Variants in LEMD3 observed in about 807,000 individuals in gnomAD.
The protein encoded by LEMD3 is LEM domain containing 3.
In LEMD3, 33 loss-of-function variants were observed where a neutral mutation model predicts 95.2. That is an observed-to-expected ratio of 0.35 (90% CI 0.26 to 0.46). The LOEUF is 0.46. Among genes scored for constraint, LEMD3 ranks in the 20% least tolerant of loss-of-function variants. The pLI, the probability that LEMD3 is intolerant of heterozygous loss-of-function variation, is 1.00. For missense variants in LEMD3, 1,210 were observed against 1,192.8 expected, an observed-to-expected ratio of 1.01 and a Z score of -0.21; for synonymous variants, 525 against 474.6, an observed-to-expected ratio of 1.11 and a Z score of -1.38.
chr12:65,245,438 C>T (rs1480677431), intron 10 of LEMD3: 1 of 493,352 alleles, frequency 2.0e-6, no homozygotes, highest in Non-Finnish European at 3.6e-6. Context: ...CGCGCCTGGC[C>T]AGCGCTCTGC....
intron 1 of LEMD3, among the ~76,000 whole-genome samples, chr12:65,200,854 T>G (rs1415784361): frequency 6.6e-6 from 1 of 152,180 alleles, no homozygotes; most frequent in Non-Finnish European, 1.5e-5. Flanking sequence ...ATGTGTTTGC[T>G]GTTGTATCTA....
chr12:65,205,943 G>T (rs911151967), intron 1 of LEMD3, among the ~76,000 whole-genome samples: 14 of 152,104 alleles, frequency 9.2e-5, no homozygotes, highest in Non-Finnish European at 1.9e-4. Context: ...CATCTAGAAT[G>T]ACCATCTATT....
chr12:65,201,153 T>A (rs1235444021), intron 1 of LEMD3, among the ~76,000 whole-genome samples: 2 of 152,206 alleles, frequency 1.3e-5, no homozygotes, highest in Non-Finnish European at 2.9e-5. Context: ...GTTTCACTGA[T>A]CTTTTTGTCT....
intron 1 of LEMD3, among the ~76,000 whole-genome samples, chr12:65,183,001 A>G (rs1215156116): frequency 6.6e-6 from 1 of 152,196 alleles, no homozygotes; most frequent in East Asian, 1.9e-4. Flanking sequence ...GAAGGTATTT[A>G]AAGTACATTA....
chr12:65,239,194 T>C (rs1284739512), intron 6 of LEMD3, among the ~76,000 whole-genome samples: 1 of 152,212 alleles, frequency 6.6e-6, no homozygotes, highest in Admixed American at 6.5e-5. Flanking sequence ...AAAATTTTTA[T>C]CATTTTTTAA....
chr12:65,191,077 G>C (rs1869224986), intron 1 of LEMD3, among the ~76,000 whole-genome samples: 1 of 151,950 alleles, frequency 6.6e-6, no homozygotes, highest in African/African-American at 2.4e-5. Flanking sequence ...TCTGCTTGAT[G>C]TCAGTTTAAC....
intron 2 of LEMD3, among the ~76,000 whole-genome samples, chr12:65,212,067 G>T (rs961347168): frequency 6.6e-6 from 1 of 152,100 alleles, no homozygotes; most frequent in Non-Finnish European, 1.5e-5. Context: ...GGCTGGGGAG[G>T]CCTCACAGTC....
At chr12:65,196,414 ACTGTGGCCC>A (rs1345272910) in intron 1 of LEMD3, among the ~76,000 whole-genome samples, 1 of 151,890 alleles carries the variant, frequency 6.6e-6, no homozygotes, top group East Asian at 1.9e-4. Flanking sequence ...AAATTTTATC[ACTGTGGCCC>A]CTGTAACTCT....
intron 1 of LEMD3, among the ~76,000 whole-genome samples, chr12:65,209,838 G>C (rs1869885124): frequency 6.6e-6 from 1 of 151,928 alleles, no homozygotes; most frequent in African/African-American, 2.4e-5. Flanking sequence ...GTTCCTATGG[G>C]ACTTCCTGTT....
intron 10 of LEMD3, among the ~76,000 whole-genome samples, chr12:65,244,914 G>A (rs533607919): frequency 3.3e-5 from 5 of 152,090 alleles, no homozygotes; most frequent in Admixed American, 3.3e-4. Flanking sequence ...TCACGCCACT[G>A]CACTCCAGCC....
chr12:65,225,933 A>G (rs762689166), intron 4 of LEMD3, among the ~76,000 whole-genome samples: 114 of 152,210 alleles, frequency 7.5e-4, no homozygotes, highest in Non-Finnish European at 1.2e-3. Context: ...ACTGAGTCCT[A>G]TCCGCATTTT....
At position 65,170,634 on chromosome 12, in the gene LEMD3, T is replaced by C. The variant is rs1331642378; in HGVS notation, c.1038T>C (p.Cys346=). ...EAAAAEQGGG[C]DQVDSSPVPR... is the part of the protein sequence containing the mutation. ...CGGCCGCGGAGCAGGGAGGAGGGTG[T>C]GATCAAGTGGACTCCAGCCCCGTTC... Residue 346 remains cysteine (C), a synonymous_variant, in exon 1 of 13, where the codon TGT becomes TGC. Transcript: ENST00000308330. The C allele has an allele frequency of 1.2e-6, 2 of 1,613,980 alleles. No homozygotes were observed. Among genetic ancestry groups the C allele is most frequent in the Admixed American group, 1.7e-5 (1 of 60,020 alleles).
chr12:65,210,018 G>A (rs751508850), intron 1 of LEMD3, among the ~76,000 whole-genome samples: 5 of 151,854 alleles, frequency 3.3e-5, no homozygotes, highest in African/African-American at 7.3e-5. Flanking sequence ...GAATATTTTC[G>A]TATGTAATAT....
At chr12:65,220,669 CTA>C (rs1425324191) in intron 4 of LEMD3, among the ~76,000 whole-genome samples, 1 of 152,076 alleles carries the variant, frequency 6.6e-6, no homozygotes, top group Non-Finnish European at 1.5e-5. Context: ...AGCTTTTCTT[CTA>C]TGTTTTCTTC....
chr12:65,185,679 T>A (rs55695403), intron 1 of LEMD3, among the ~76,000 whole-genome samples: 5,320 of 150,242 alleles, frequency 0.035, 310 homozygotes, highest in African/African-American at 0.12. Flanking sequence ...TATATAAATT[T>A]TATATATAAT....
intron 4 of LEMD3, among the ~76,000 whole-genome samples, chr12:65,219,635 T>A (rs1163763217): frequency 6.6e-6 from 1 of 152,176 alleles, no homozygotes; most frequent in Non-Finnish European, 1.5e-5. Flanking sequence ...ATATGTGCAT[T>A]CTTATACAGC....
chr12:65,215,944 T>A lies in LEMD3; in HGVS notation c.1561-33T>A, dbSNP rs554469797. 4.4e-6 allele frequency: 4 copies of A among 902,252 alleles called. No homozygotes were observed. In the African/African-American group the frequency reaches 5.0e-5, roughly 11 times the overall value. The allele number at this position is 902,252 out of a possible 1,614,324, so 55.9% of individuals were successfully genotyped here. Reference sequence around the variant, plus strand: ...TATTTGGTGTTTTTTTTCTTGTAATTGGGTATTTCATAATAACTTCTCTTA... The same window carrying A: ...TATTTGGTGTTTTTTTTCTTGTAATAGGGTATTTCATAATAACTTCTCTTA... On this transcript the variant is annotated intron_variant, in intron 2 of 12. Coordinates refer to ENST00000308330, the MANE Select transcript of LEMD3 (RefSeq NM_014319.5).
At chr12:65,239,579 T>G (rs966162263) in intron 6 of LEMD3, among the ~76,000 whole-genome samples, 4 of 152,144 alleles carry the variant, frequency 2.6e-5, no homozygotes, top group African/African-American at 9.7e-5. Flanking sequence ...AAAATTCATT[T>G]TACTTAAAGT....
intron 1 of LEMD3, among the ~76,000 whole-genome samples, chr12:65,175,711 C>A (rs1395875421): frequency 1.3e-5 from 2 of 152,212 alleles, no homozygotes; most frequent in East Asian, 3.8e-4. Flanking sequence ...AAGTTTCATT[C>A]ACTCTCCTTG....
Sources: allele counts gnomAD v4.1 joint callset (sites outside exome capture counted in the v4.1 genomes callset), GRCh38; gene constraint gnomAD v4.1.1; transcripts MANE v1.5; gene names NCBI Gene and HGNC (gene_info 2026-07-23, HGNC 2026-07-21).